The following LAMA4 variants were observed in gnomAD, a reference collection of about 807,000 sequenced individuals.
The protein encoded by LAMA4 is laminin subunit alpha-4.
Under a neutral mutation model 207.1 loss-of-function variants are expected in LAMA4, and 127 were observed. The ratio of observed to expected loss-of-function variants is 0.61; its 90% CI spans 0.53 to 0.71. LAMA4 has a LOEUF of 0.71. LAMA4 is among the 30% of genes least tolerant of loss of function. The pLI is 0.00. For missense variants in LAMA4, 2,093 were observed against 2,246.5 expected (o/e 0.93, Z 1.38); for synonymous variants, 761 against 816.0 (o/e 0.93, Z 1.15).
At chr6:112,129,747 A>G (rs1778916242) in intron 30 of LAMA4, 129 bp downstream of exon 30, 2 of 767,590 alleles carry the variant, frequency 2.6e-6, no homozygotes, top group Non-Finnish European at 4.2e-6. Context: ...TCTCAAGCAC[A>G]TAAAAGCTTT....
chr6:112,237,451 G>C (rs1786014062), intron 2 of LAMA4, among the ~76,000 whole-genome samples: 1 of 152,178 alleles, frequency 6.6e-6, no homozygotes, highest in Non-Finnish European at 1.5e-5. Context: ...TTTTAGAGCA[G>C]AGAATCCCTT....
chr6:112,145,754 TG>T (rs1554334389), intron 18 of LAMA4, among the ~76,000 whole-genome samples: 1 of 152,188 alleles, frequency 6.6e-6, no homozygotes, highest in Non-Finnish European at 1.5e-5. Context: ...TCTATTTTTG[TG>T]ACATTTATAG....
At chr6:112,141,652 A>C (rs1554333334) in intron 20 of LAMA4, 149 bp from the exon 21 acceptor site, 1 of 688,390 alleles carries the variant, frequency 1.5e-6, no homozygotes, top group East Asian at 2.7e-5. Context: ...GTGAGCAGGC[A>C]GTGTCTCTTC....
At chr6:112,221,289 G>C (rs1583930883) in intron 2 of LAMA4, among the ~76,000 whole-genome samples, 1 of 152,178 alleles carries the variant, frequency 6.6e-6, no homozygotes, top group African/African-American at 2.4e-5. Context: ...CATAGGAGCT[G>C]ATTGGAATAG....
intron 5 of LAMA4, chr6:112,200,049 T>C: frequency 3.9e-6 from 2 of 518,530 alleles, no homozygotes; most frequent in Admixed American, 4.1e-5. Flanking sequence ...AGAAAACCTG[T>C]CTGAGAGACT....
intron 3 of LAMA4, among the ~76,000 whole-genome samples, chr6:112,207,553 C>T (rs1288242349): frequency 1.3e-5 from 2 of 152,108 alleles, no homozygotes; most frequent in African/African-American, 4.8e-5. Flanking sequence ...AAACAAACAT[C>T]CCCCTGGTAC....
chr6:112,223,470 T>A (rs2115093630), intron 2 of LAMA4, among the ~76,000 whole-genome samples: 1 of 152,304 alleles, frequency 6.6e-6, no homozygotes, highest in African/African-American at 2.4e-5. Context: ...CTGAGCTAAG[T>A]GCTTTTTATG....
chr6:112,185,763 A>G (rs1043094204), intron 8 of LAMA4, among the ~76,000 whole-genome samples: 1 of 152,204 alleles, frequency 6.6e-6, no homozygotes, highest in Middle Eastern at 3.2e-3. Flanking sequence ...TCCTCATTTT[A>G]ATGCAAGTCT....
intron 24 of LAMA4, among the ~76,000 whole-genome samples, chr6:112,138,037 T>C (rs1321285647): frequency 6.6e-6 from 1 of 152,198 alleles, no homozygotes; most frequent in Admixed American, 6.5e-5. Flanking sequence ...ATTGTTGCTT[T>C]TGTTGATGGG....
At chr6:112,221,544 A>G (rs1461579829) in intron 2 of LAMA4, among the ~76,000 whole-genome samples, 1 of 152,154 alleles carries the variant, frequency 6.6e-6, no homozygotes, top group Non-Finnish European at 1.5e-5. Context: ...CCCACATTAC[A>G]TTATCTTTCT....
chr6:112,155,747 C>A, intron 14 of LAMA4, 41 bp from the exon 15 acceptor site: 1 of 1,606,024 alleles, frequency 6.2e-7, no homozygotes, highest in Non-Finnish European at 8.5e-7. Flanking sequence ...TTCTTACCTT[C>A]TTGGGGAATG....
Position 112,115,997 on chromosome 6 carries a change from T to C in LAMA4, c.4982-4A>G, listed in dbSNP as rs1554323663. 1.9e-6 allele frequency: 3 copies of C among 1,611,984 alleles called. No individual in the cohort carries two copies. Among genetic ancestry groups the C allele is most frequent in the South Asian group, 2.2e-5 (2 of 91,038 alleles). On this transcript the variant is annotated splice_region_variant and splice_polypyrimidine_tract_variant and intron_variant, in intron 35 of 38. Coordinates refer to ENST00000230538, the MANE Select transcript of LAMA4 (RefSeq NM_001105206.3). ...AATCCAATATTGAAAGATTCATCTG[T>C]GGAGAGAAACACTATAAACTCCCAA...
chr6:112,251,260 G>A (rs551620609), intron 2 of LAMA4: 5 of 152,210 alleles, frequency 3.3e-5, no homozygotes, highest in Middle Eastern at 3.4e-3. Flanking sequence ...CTTTTATTCC[G>A]TGCATATTTC....
chr6:112,236,876 AGAGT>A (rs1421446465), intron 2 of LAMA4: 1 of 152,208 alleles, frequency 6.6e-6, no homozygotes, highest in Admixed American at 6.5e-5. Context: ...GAGAAAGGAG[AGAGT>A]AAGACTTGAG....
At chr6:112,239,704 C>T (rs147580509) in intron 2 of LAMA4, among the ~76,000 whole-genome samples, 193 of 152,302 alleles carry the variant, frequency 1.3e-3, no homozygotes, top group African/African-American at 4.5e-3. Context: ...GAATGAATAA[C>T]TCACTATTTC....
At chr6:112,170,338 G>A (rs117981820) in intron 12 of LAMA4, among the ~76,000 whole-genome samples, 23 of 152,298 alleles carry the variant, frequency 1.5e-4, no homozygotes, top group Non-Finnish European at 2.6e-4. Flanking sequence ...GGGTTGGCAG[G>A]TCCACTTCTC....
intron 2 of LAMA4, among the ~76,000 whole-genome samples, chr6:112,222,950 T>C (rs782218743): frequency 6.6e-6 from 1 of 152,216 alleles, no homozygotes; most frequent in Non-Finnish European, 1.5e-5. Context: ...TCTTGAAAAT[T>C]ATTTAAAGTA....
At position 112,132,915 on chromosome 6, in the gene LAMA4, A is replaced by G. The variant is rs1299949234; in HGVS notation, c.3697-25T>C. ...TCTGTGTGCCAGAACAAGTGGAGAT[A>G]GTGTTTTTGAGAATTATCAAATGCT... On this transcript the variant is annotated intron_variant, in intron 27 of 38. Transcript: ENST00000230538. 4 of 1,610,284 alleles carry G rather than the reference A, an allele frequency of 2.5e-6. No individual in the cohort carries two copies. In the African/African-American group the frequency reaches 5.3e-5, roughly 22 times the overall value.
chr6:112,222,467 C>A (rs1784977301), intron 2 of LAMA4, among the ~76,000 whole-genome samples: 1 of 152,184 alleles, frequency 6.6e-6, no homozygotes, highest in Non-Finnish European at 1.5e-5. Context: ...ATGCCTTGCT[C>A]AGCTTACAAA....
Sources: gnomAD v4.1 joint callset for allele counts (sites outside exome capture counted in the v4.1 genomes callset) on GRCh38, gnomAD v4.1.1 for gene constraint, MANE v1.5 for transcripts, NCBI Gene and HGNC (gene_info 2026-07-23, HGNC 2026-07-21) for gene names.